The following NALCN variants were observed in gnomAD, a reference collection of about 807,000 sequenced individuals.
NALCN encodes the protein sodium leak channel NALCN.
NALCN carries 111 observed loss-of-function variants against 225.3 expected under a neutral mutation model. That is an observed-to-expected ratio of 0.49 (90% confidence interval 0.42 to 0.58). The LOEUF is 0.58. NALCN is among the 20% of genes least tolerant of loss of function. The probability of loss-of-function intolerance (pLI) is 0.00; values close to 1 mark genes in which losing one functional copy is unlikely to be tolerated. For missense variants in NALCN, 1,378 were observed against 2,202.4 expected, an observed-to-expected ratio of 0.63 and a Z score of 7.49; for synonymous variants, 764 against 769.0, an observed-to-expected ratio of 0.99 and a Z score of 0.11.
intron 7 of NALCN, among the ~76,000 whole-genome samples, chr13:101,302,059 G>A (rs1294840174): frequency 6.6e-6 from 1 of 152,084 alleles, no homozygotes; most frequent in Non-Finnish European, 1.5e-5. Flanking sequence ...CTTTTCAAAG[G>A]AAATTGAAGC....
chr13:101,127,190 G>A (rs999668144), intron 17 of NALCN, among the ~76,000 whole-genome samples: 1 of 152,166 alleles, frequency 6.6e-6, no homozygotes, highest in Admixed American at 6.5e-5. Context: ...GCACAAGATT[G>A]CTAAAAGGCT....
At chr13:101,319,412 G>T (rs117167634) in intron 7 of NALCN, among the ~76,000 whole-genome samples, 104 of 152,308 alleles carry the variant, frequency 6.8e-4, no homozygotes, top group Non-Finnish European at 1.3e-3. Flanking sequence ...CCAGGCTGGA[G>T]TGACACTTCT....
At chr13:101,110,597 C>CAA in intron 20 of NALCN, 22 bp downstream of exon 20, 1 of 1,612,874 alleles carries the variant, frequency 6.2e-7, no homozygotes, top group South Asian at 1.1e-5. Context: ...TTCTGAAATC[C>CAA]AAAGCATTGC....
At chr13:101,129,843 G>A (rs1392812622) in intron 17 of NALCN, among the ~76,000 whole-genome samples, 1 of 151,610 alleles carries the variant, frequency 6.6e-6, no homozygotes, top group Non-Finnish European at 1.5e-5. Flanking sequence ...TCTACATTAG[G>A]TATTTCTCCT....
chr13:101,199,146 G>A (rs988985273), intron 13 of NALCN, among the ~76,000 whole-genome samples: 1 of 151,830 alleles, frequency 6.6e-6, no homozygotes, highest in Non-Finnish European at 1.5e-5. Context: ...TTGTGGGGTG[G>A]GGGGAGGTGG....
intron 37 of NALCN, among the ~76,000 whole-genome samples, chr13:101,071,630 C>T (rs576066754): frequency 6.6e-6 from 1 of 152,296 alleles, no homozygotes; most frequent in African/African-American, 2.4e-5. Context: ...CATGTTGTGG[C>T]TAGTCTGATC....
intron 15 of NALCN, among the ~76,000 whole-genome samples, chr13:101,167,958 T>C (rs546088016): frequency 6.6e-6 from 1 of 152,336 alleles, no homozygotes; most frequent in South Asian, 2.1e-4. Context: ...CTTTGCCTCC[T>C]TGGCTAAGTT....
chr13:101,239,902 G>A (rs991500340), intron 11 of NALCN, among the ~76,000 whole-genome samples: 2 of 152,006 alleles, frequency 1.3e-5, no homozygotes, highest in African/African-American at 4.8e-5. Context: ...CAGTATCAGT[G>A]TAATCAAACT....
At chr13:101,267,970 T>G (rs1447467122) in intron 10 of NALCN, among the ~76,000 whole-genome samples, 1 of 152,220 alleles carries the variant, frequency 6.6e-6, no homozygotes, top group African/African-American at 2.4e-5. Context: ...GCAATGTGAT[T>G]GGTTCTCACA....
At chr13:101,127,542 G>A (rs59780432) in intron 17 of NALCN, among the ~76,000 whole-genome samples, 1 of 152,202 alleles carries the variant, frequency 6.6e-6, no homozygotes, top group Non-Finnish European at 1.5e-5. Context: ...ATTTTTAGTA[G>A]AGACGAGGTT....
chr13:101,290,843 A>G (rs948506450), intron 9 of NALCN, among the ~76,000 whole-genome samples: 1 of 152,230 alleles, frequency 6.6e-6, no homozygotes, highest in Non-Finnish European at 1.5e-5. Flanking sequence ...AATATCCTTT[A>G]GAATTTAATA....
chr13:101,280,882 C>CTTT (rs11336005), intron 10 of NALCN, among the ~76,000 whole-genome samples: 2 of 108,432 alleles, frequency 1.8e-5, no homozygotes. Flanking sequence ...CTCTCTCTCT[C>CTTT]TTTTTTTTTT....
chr13:101,390,065 G>C (rs1175069314), intron 3 of NALCN, among the ~76,000 whole-genome samples: 2 of 152,168 alleles, frequency 1.3e-5, no homozygotes, highest in Non-Finnish European at 2.9e-5. Context: ...CTGGGTGACA[G>C]AGCGAGGTTC....
intron 11 of NALCN, among the ~76,000 whole-genome samples, chr13:101,252,514 G>A (rs2140196099): frequency 6.6e-6 from 1 of 152,288 alleles, no homozygotes; most frequent in South Asian, 2.1e-4. Context: ...TGCTGTGCAT[G>A]AGTAGCAGGG....
chr13:101,325,686 TCA>T (rs1471719231), intron 7 of NALCN, among the ~76,000 whole-genome samples: 1 of 152,144 alleles, frequency 6.6e-6, no homozygotes, highest in East Asian at 1.9e-4. Flanking sequence ...TGCAGACTAG[TCA>T]CAGACAGCTG....
At chr13:101,196,176 A>G (rs1476078530) in intron 13 of NALCN, among the ~76,000 whole-genome samples, 1 of 151,992 alleles carries the variant, frequency 6.6e-6, no homozygotes, top group Non-Finnish European at 1.5e-5. Flanking sequence ...TTTTAATACA[A>G]TCTTTGGTTT....
chr13:101,234,248 C>T (rs1249211175), intron 12 of NALCN, among the ~76,000 whole-genome samples: 1 of 152,226 alleles, frequency 6.6e-6, no homozygotes, highest in Non-Finnish European at 1.5e-5. Flanking sequence ...AAATGGGAAT[C>T]CTCTCTGCTT....
intron 17 of NALCN, among the ~76,000 whole-genome samples, chr13:101,139,461 A>G (rs181263160): frequency 1.3e-3 from 197 of 152,364 alleles, no homozygotes; most frequent in Non-Finnish European, 1.0e-3. Context: ...CAAGATAACC[A>G]TTAAGAGAAC....
At chr13:101,121,890 C>T (rs1290085925) in intron 18 of NALCN, among the ~76,000 whole-genome samples, 1 of 151,646 alleles carries the variant, frequency 6.6e-6, no homozygotes. Context: ...AGAGCTTTTT[C>T]TCCTTCCCAA....
Sources: allele counts gnomAD v4.1 joint callset (sites outside exome capture counted in the v4.1 genomes callset), GRCh38; gene constraint gnomAD v4.1.1; transcripts MANE v1.5; gene names NCBI Gene and HGNC (gene_info 2026-07-23, HGNC 2026-07-21).